The following COL6A5 variants were observed in gnomAD, a reference collection of about 807,000 sequenced individuals.
The protein encoded by COL6A5 is collagen alpha-5(VI) chain.
In COL6A5, 48 loss-of-function variants were observed where a neutral mutation model predicts 65.6. The observed-to-expected ratio is 0.73, with a 90% confidence interval of 0.58 to 0.93. COL6A5 has a LOEUF of 0.93. Ranked by LOEUF, COL6A5 falls within the 40% of genes least tolerant of loss-of-function variation. The pLI is 0.00. For missense variants in COL6A5, 914 were observed against 928.3 expected (o/e 0.98, Z 0.20); for synonymous variants, 291 against 322.8 (o/e 0.90, Z 1.05).
At chr3:130,353,642 AAG>A (rs1027701869) in intron 1 of COL6A5, among the ~76,000 whole-genome samples, 1 of 152,122 alleles carries the variant, frequency 6.6e-6, no homozygotes, top group Admixed American at 6.5e-5. Context: ...CTACAAAGAA[AAG>A]AGAGAGAAGT....
intron 5 of COL6A5, among the ~76,000 whole-genome samples, chr3:130,463,108 G>A (rs946978663): frequency 3.9e-5 from 6 of 152,108 alleles, no homozygotes; most frequent in Non-Finnish European, 7.4e-5. Flanking sequence ...CACAAGACCC[G>A]AAGCAAACTG....
chr3:130,358,218 C>T (rs1454942472), intron 1 of COL6A5, among the ~76,000 whole-genome samples: 1 of 151,744 alleles, frequency 6.6e-6, no homozygotes, highest in Non-Finnish European at 1.5e-5. Context: ...TAAAAAATTA[C>T]CATTAAGTTA....
At chr3:130,413,638 A>T in intron 21 of COL6A5, 58 bp downstream of exon 21, 1 of 1,495,882 alleles carries the variant, frequency 6.7e-7, no homozygotes, top group Non-Finnish European at 9.1e-7. Flanking sequence ...GGTTTCTCCC[A>T]TGTAGGTGGT....
At chr3:130,370,233 A>T (rs2034664) in intron 1 of COL6A5, among the ~76,000 whole-genome samples, 86,282 of 151,976 alleles carry the variant, frequency 0.57, 27,526 homozygotes, top group Non-Finnish European at 0.72. Context: ...TATTCTAAAT[A>T]TTTTTTTCAC....
intron 1 of COL6A5, among the ~76,000 whole-genome samples, chr3:130,351,943 G>T (rs1210454324): frequency 6.6e-6 from 1 of 152,204 alleles, no homozygotes; most frequent in Non-Finnish European, 1.5e-5. Context: ...TAAAGAAAAT[G>T]TGGCACATAT....
intron 7 of COL6A5, 89 bp from the exon 8 acceptor site, chr3:130,394,801 G>A: frequency 1.1e-6 from 1 of 875,786 alleles, no homozygotes; most frequent in Non-Finnish European, 1.7e-6. Flanking sequence ...ATCAATTGAA[G>A]TATTTAGTAA....
chr3:130,469,034 C>T, exon 6 of COL6A5: 1 of 1,612,880 alleles, frequency 6.2e-7, no homozygotes, highest in South Asian at 1.1e-5. Flanking sequence ...CTACTCTCCT[C>T]CAGGCTATAT....
At chr3:130,431,626 G>T (rs2107694107) in exon 1 of COL6A5, 1 of 1,551,494 alleles carries the variant, frequency 6.4e-7, no homozygotes, top group South Asian at 1.2e-5. Flanking sequence ...AGTTGCCATG[G>T]TTTCCTATAA....
intron 3 of COL6A5, 27 bp downstream of exon 35, chr3:130,440,852 T>G: frequency 6.4e-7 from 1 of 1,551,426 alleles, no homozygotes; most frequent in Non-Finnish European, 8.8e-7. Flanking sequence ...TTGTTTGTCT[T>G]TTTTTTAATA....
At chr3:130,478,320 G>C (rs1441010809) in intron 7 of COL6A5, among the ~76,000 whole-genome samples, 1 of 152,054 alleles carries the variant, frequency 6.6e-6, no homozygotes, top group African/African-American at 2.4e-5. Context: ...CCCAGTGCCA[G>C]TTTTAGTTCT....
chr3:130,467,238 C>G (rs1223258446), intron 5 of COL6A5, among the ~76,000 whole-genome samples: 2 of 151,622 alleles, frequency 1.3e-5, no homozygotes, highest in African/African-American at 4.8e-5. Context: ...TGGTGGTTAA[C>G]AGAAGCTAGG....
exon 22 of COL6A5, chr3:130,414,111 GA>G: frequency 1.3e-6 from 2 of 1,550,806 alleles, no homozygotes; most frequent in Non-Finnish European, 1.7e-6. Context: ...ATTGGGAGCT[GA>G]AGGATTACAA....
At chr3:130,357,461 A>G (rs1201613886) in intron 1 of COL6A5, among the ~76,000 whole-genome samples, 2 of 152,250 alleles carry the variant, frequency 1.3e-5, no homozygotes, top group African/African-American at 4.8e-5. Flanking sequence ...GATCATTTTT[A>G]TGAATCCAAC....
At chr3:130,349,866 A>G (rs1934637045) in intron 1 of COL6A5, among the ~76,000 whole-genome samples, 1 of 152,206 alleles carries the variant, frequency 6.6e-6, no homozygotes, top group African/African-American at 2.4e-5. Flanking sequence ...GTACATGGTT[A>G]TTAGTAGCCC....
intron 5 of COL6A5, 39 bp downstream of exon 37, chr3:130,455,705 G>C: frequency 1.3e-6 from 2 of 1,482,492 alleles, no homozygotes; most frequent in Non-Finnish European, 1.9e-6. Context: ...TGTTTAAATA[G>C]CCAGGATCCT....
rs191126239 is a variant in COL6A5 at position 130,474,478 on chromosome 3, A to G, written c.2328+3511A>G. ...AAAGAAAAAGACAACCAACATGCCA[A>G]CCTCAAGGTGACTCTAATGTTAATG... On this transcript the variant is annotated intron_variant, in intron 7 of 7. Transcript: ENST00000512836. Among the ~76,000 whole-genome samples, 116 of 152,200 alleles carry G rather than the reference A, an allele frequency of 7.6e-4. 1 individual carries two copies. The highest frequency in any genetic ancestry group is 2.7e-3 in the African/African-American group (113 of 41,560).
intron 5 of COL6A5, among the ~76,000 whole-genome samples, chr3:130,462,351 G>A (rs149581717): frequency 1.5e-4 from 23 of 152,182 alleles, no homozygotes; most frequent in East Asian, 3.9e-4. Context: ...GAGAGTTCTC[G>A]TTTCTGAGAG....
exon 4 of COL6A5, chr3:130,379,547 AT>A (rs1336921513): frequency 6.4e-7 from 1 of 1,551,404 alleles, no homozygotes; most frequent in East Asian, 2.4e-5. Context: ...AGCTCCATGG[AT>A]GTGAAGGAAA....
intron 2 of COL6A5, 97 bp from the exon 3 acceptor site, chr3:130,376,136 TATAC>T (rs1935758621): frequency 3.3e-6 from 4 of 1,212,614 alleles, no homozygotes; most frequent in Non-Finnish European, 4.4e-6. Context: ...GGGATTCTGA[TATAC>T]ACTTAACACC....
Sources: allele counts gnomAD v4.1 joint callset (sites outside exome capture counted in the v4.1 genomes callset), GRCh38; gene constraint gnomAD v4.1.1; transcripts MANE v1.5; gene names NCBI Gene and HGNC (gene_info 2026-07-23, HGNC 2026-07-21).